The following DHRS4 variants were observed in gnomAD, a reference collection of about 807,000 sequenced individuals.
The protein encoded by DHRS4 is dehydrogenase/reductase 4.
Under a neutral mutation model 28.4 loss-of-function variants are expected in DHRS4, and 20 were observed. That is an observed-to-expected ratio of 0.71 (90% CI 0.50 to 1.02). The LOEUF (loss-of-function observed/expected upper bound fraction) is 1.02, where lower values mean the gene tolerates loss of function less well. DHRS4 is among the 50% of genes least tolerant of loss of function. DHRS4 has a pLI of 0.00. For synonymous variants in DHRS4, 144 were observed against 146.4 expected, an observed-to-expected ratio of 0.98 and a Z score of 0.12; for missense variants, 378 against 367.2, an observed-to-expected ratio of 1.03 and a Z score of -0.24.
chr14:23,964,662 C>T (rs1461912206), intron 3 of DHRS4, among the ~76,000 whole-genome samples: 1 of 137,342 alleles, frequency 7.3e-6, no homozygotes, highest in Non-Finnish European at 1.6e-5. Context: ...CTGCAACCTC[C>T]ACCTCCCGGG....
intron 2 of DHRS4, among the ~76,000 whole-genome samples, chr14:23,955,718 G>A (rs1412356682): frequency 6.6e-6 from 1 of 152,158 alleles, no homozygotes; most frequent in African/African-American, 2.4e-5. Flanking sequence ...CAGATAGCTG[G>A]AGCAACTTCC....
At chr14:23,954,973 T>A in intron 1 of DHRS4, 62 bp from the exon 2 acceptor site, 1 of 1,604,172 alleles carries the variant, frequency 6.2e-7, no homozygotes, top group Non-Finnish European at 8.5e-7. Context: ...ACTTCAGAGC[T>A]CATACTGTCG....
intron 6 of DHRS4, among the ~76,000 whole-genome samples, chr14:23,966,753 G>C (rs1261164538): frequency 1.3e-5 from 2 of 152,206 alleles, no homozygotes; most frequent in Admixed American, 1.3e-4. Context: ...CTGGGAGCTA[G>C]AAAAAAATAG....
intron 3 of DHRS4, 70 bp downstream of exon 3, chr14:23,960,073 C>T (rs925842246): frequency 2.1e-6 from 3 of 1,446,922 alleles, no homozygotes; most frequent in South Asian, 1.1e-5. Flanking sequence ...ACTCCATCTG[C>T]TTTTAGAATG....
intron 2 of DHRS4, among the ~76,000 whole-genome samples, chr14:23,957,386 GGA>G (rs145219936): frequency 0.2 from 30,706 of 151,726 alleles, 7,676 homozygotes; most frequent in African/African-American, 0.6. Flanking sequence ...CTCCTCATCT[GGA>G]CACCACGAAG....
At chr14:23,959,688 G>A (rs2033327780) in intron 2 of DHRS4, among the ~76,000 whole-genome samples, 1 of 151,614 alleles carries the variant, frequency 6.6e-6, no homozygotes, top group Non-Finnish European at 1.5e-5. Context: ...CATTGTTGTT[G>A]TTGTTTTTAA....
Position 23,966,333 on chromosome 14 carries a change from G to C in DHRS4, c.582G>C (p.Lys194Asn), listed in dbSNP as rs11556285. 2.5e-6 allele frequency: 4 copies of C among 1,611,874 alleles called. No homozygotes were observed. The highest frequency in any genetic ancestry group is 2.2e-5 in the East Asian group (1 of 44,662). The change falls in exon 6 of 8, where the codon AAG becomes AAC. Residue 194 changes from lysine (K) to asparagine (N), a missense_variant. Physicochemically the swap from Lys to Asn is moderately conservative, Grantham distance 94. Coordinates refer to ENST00000313250, the MANE Select transcript of DHRS4 (RefSeq NM_021004.4). Reference protein sequence around the residue: ...VSKTALLGLTKTLAIELAPRN... With the variant: ...VSKTALLGLTNTLAIELAPRN... The stretch of plus-strand genomic sequence containing the variant: ...AAACAGCCTTGCTGGGCCTGACCAA[G>C]ACCCTGGCCATAGAGCTGGCCCCAA...
intron 2 of DHRS4, among the ~76,000 whole-genome samples, chr14:23,958,369 C>A (rs939213804): frequency 6.6e-6 from 1 of 152,168 alleles, no homozygotes; most frequent in Non-Finnish European, 1.5e-5. Context: ...TGACCGAGGG[C>A]CCGTGTACTG....
At chr14:23,958,691 C>G (rs1051282867) in intron 2 of DHRS4, among the ~76,000 whole-genome samples, 3 of 152,222 alleles carry the variant, frequency 2.0e-5, no homozygotes, top group African/African-American at 7.2e-5. Context: ...CTTCTCCCAT[C>G]ACGGCTCTCC....
Position 23,955,119 on chromosome 14 carries a change from G to A in DHRS4, c.213G>A (p.Gln71=). 6.2e-7 allele frequency: 1 copy of A among 1,614,136 alleles called. No homozygotes were observed. The highest frequency in any genetic ancestry group is 8.5e-7 in the Non-Finnish European group (1 of 1,179,978). ...GCCGGAAGCAGCAGAATGTGGACCA[G>A]GCGGTGGCCACGCTGCAGGGGGAGG... ...VSSRKQQNVD[Q]AVATLQGEGL... Residue 71 remains glutamine (Q), a synonymous_variant, in exon 2 of 8, where the codon CAG becomes CAA. Transcript: ENST00000313250.
At chr14:23,960,294 T>A (rs1317071742) in intron 3 of DHRS4, among the ~76,000 whole-genome samples, 1 of 152,082 alleles carries the variant, frequency 6.6e-6, no homozygotes, top group Non-Finnish European at 1.5e-5. Context: ...TTCTGCCTTG[T>A]TGATTTCCAA....
At chr14:23,959,197 C>T (rs1218916363) in intron 2 of DHRS4, among the ~76,000 whole-genome samples, 2 of 152,090 alleles carry the variant, frequency 1.3e-5, no homozygotes, top group Non-Finnish European at 2.9e-5. Context: ...AGGAGCTTCC[C>T]AAAGGGGAAG....
At position 23,955,176 on chromosome 14, in the gene DHRS4, G is replaced by T. The variant is rs748599299; in HGVS notation, c.270G>T (p.Val90=). ...GCGTGACGGGCACCGTGTGCCATGT[G>T]GGGAAGGCGGAGGACCGGGAGCGGC... ...GLSVTGTVCH[V]GKAEDRERLV... The change falls in exon 2 of 8, where the codon GTG becomes GTT. Residue 90 remains valine, a synonymous_variant. Transcript: ENST00000313250. The T allele has an allele frequency of 3.1e-6, 5 of 1,613,626 alleles. No individual in the cohort carries two copies. The highest frequency in any genetic ancestry group is 1.6e-4 in the Middle Eastern group (1 of 6,068).
chr14:23,966,442 G>C (rs768512183), intron 6 of DHRS4, 25 bp downstream of exon 6: 11 of 1,612,872 alleles, frequency 6.8e-6, no homozygotes, highest in African/African-American at 4.0e-5. Context: ...CTTTGCATTT[G>C]ACTGGGACCC....
rs2033592934 is a variant in DHRS4, at chr14:23,965,837, A to G, written c.479+5A>G. On this transcript the variant is annotated splice_donor_5th_base_variant and intron_variant, in intron 4 of 7. Transcript: ENST00000313250. ...GCCAGAAATGGAGAAACGAGGGTAC[A>G]GAGAGTGAGAGAGAGCCTGGGTGAG... 1.2e-6 allele frequency: 2 copies of G among 1,606,832 alleles called. No homozygotes were observed. Among genetic ancestry groups the G allele is most frequent in the Non-Finnish European group, 1.7e-6 (2 of 1,176,266 alleles).
intron 3 of DHRS4, among the ~76,000 whole-genome samples, chr14:23,961,740 T>C (rs2033423738): frequency 2.0e-5 from 2 of 101,272 alleles, no homozygotes; most frequent in Non-Finnish European, 3.6e-5. Flanking sequence ...CTCAAATTCC[T>C]GGCCTCAACT....
chr14:23,954,068 C>A, intron 1 of DHRS4, 152 bp downstream of exon 1: 2 of 1,271,488 alleles, frequency 1.6e-6, no homozygotes, highest in Non-Finnish European at 2.1e-6. Flanking sequence ...CCGCCTGAAG[C>A]CACTCCGAAT....
chr14:23,960,244 C>T (rs577929747), intron 3 of DHRS4, among the ~76,000 whole-genome samples: 2 of 152,116 alleles, frequency 1.3e-5, no homozygotes, highest in East Asian at 3.9e-4. Flanking sequence ...TCACTAGCCA[C>T]AGTCTGCTCC....
chr14:23,968,936 C>A lies in DHRS4; in HGVS notation c.*65C>A. 1 of 1,595,652 alleles carries A rather than the reference C, an allele frequency of 6.3e-7. No individual in the cohort carries two copies. The highest frequency in any genetic ancestry group is 1.1e-5 in the South Asian group (1 of 88,710). On this transcript the variant is annotated 3_prime_UTR_variant, in exon 8 of 8. Coordinates refer to ENST00000313250, the MANE Select transcript of DHRS4 (RefSeq NM_021004.4). Reference sequence around the variant, plus strand: ...CTCCTGGTGCTGTTCCCGCATTCACCCACTGGCCTTTCCCACCTCTGCTCA... The same window carrying A: ...CTCCTGGTGCTGTTCCCGCATTCACACACTGGCCTTTCCCACCTCTGCTCA...
Sources: gnomAD v4.1 joint callset for allele counts (sites outside exome capture counted in the v4.1 genomes callset) on GRCh38, gnomAD v4.1.1 for gene constraint, MANE v1.5 for transcripts, NCBI Gene and HGNC (gene_info 2026-07-23, HGNC 2026-07-21) for gene names.